The following WDR64 variants were observed in gnomAD, a reference collection of about 807,000 sequenced individuals.
WDR64 encodes WD repeat domain 64, also known as WD repeat-containing protein 64.
A neutral mutation model predicts 139.3 loss-of-function variants in WDR64; 112 were observed. The observed-to-expected ratio is 0.80, with a 90% confidence interval of 0.69 to 0.94. The LOEUF is 0.94. Ranked by LOEUF, WDR64 falls within the 40% of genes least tolerant of loss-of-function variation. WDR64 has a pLI of 0.00. For synonymous variants in WDR64, 444 were observed against 437.7 expected, an observed-to-expected ratio of 1.01 and a Z score of -0.18; for missense variants, 1,206 against 1,293.1, an observed-to-expected ratio of 0.93 and a Z score of 1.03.
chr1:241,753,350 CTCATA>C (rs1401173544), intron 14 of WDR64, among the ~76,000 whole-genome samples: 1 of 152,138 alleles, frequency 6.6e-6, no homozygotes, highest in Non-Finnish European at 1.5e-5. Context: ...GACTTTTATT[CTCATA>C]TAACAATTCA....
intron 14 of WDR64, among the ~76,000 whole-genome samples, chr1:241,752,687 C>CA (rs1293719344): frequency 2.0e-5 from 3 of 152,000 alleles, no homozygotes; most frequent in Non-Finnish European, 4.4e-5. Context: ...CCATCTCTAC[C>CA]AAAAAATGTA....
chr1:241,716,937 C>T (rs548018589), intron 9 of WDR64, among the ~76,000 whole-genome samples: 1 of 152,250 alleles, frequency 6.6e-6, no homozygotes, highest in South Asian at 2.1e-4. Flanking sequence ...CTATTGCATT[C>T]TTCTTCGTGT....
chr1:241,716,994 G>A (rs935448096), intron 9 of WDR64, among the ~76,000 whole-genome samples: 5 of 152,310 alleles, frequency 3.3e-5, no homozygotes, highest in Admixed American at 2.0e-4. Context: ...CCTATTGCCA[G>A]CCTCATCATC....
At position 241,801,349 on chromosome 1, in the gene WDR64, G is replaced by A. The variant is rs1433037809; in HGVS notation, c.*134G>A. 2.1e-5 allele frequency: 15 copies of A among 723,168 alleles called. No homozygotes were observed. The highest frequency in any genetic ancestry group is 2.5e-4 in the Middle Eastern group (1 of 4,070). The allele number at this position is 723,168 out of a possible 1,614,324, so 44.8% of individuals were successfully genotyped here. A position where few individuals can be genotyped will look rare whatever the true frequency, so the allele number is the denominator to read the frequency against. The stretch of plus-strand genomic sequence containing the variant: ...TCTGGTGTCAGGCCATCCTATTGAT[G>A]GGAAAGATTGCTTAGGGAGTTCTGG... On this transcript the variant is annotated 3_prime_UTR_variant, in exon 28 of 28. Coordinates refer to ENST00000437684, the MANE Select transcript of WDR64 (RefSeq NM_001367482.1).
chr1:241,727,732 A>G (rs910859628), intron 10 of WDR64, among the ~76,000 whole-genome samples: 1 of 152,098 alleles, frequency 6.6e-6, no homozygotes, highest in Non-Finnish European at 1.5e-5. Flanking sequence ...CAGTATGATA[A>G]GTATGGTAAG....
intron 4 of WDR64, 107 bp from the exon 5 acceptor site, chr1:241,678,080 G>T: frequency 2.5e-6 from 1 of 397,546 alleles, no homozygotes. Context: ...AAGGCAGAAT[G>T]ACAACTGAGA....
At chr1:241,725,417 C>T (rs995166645) in intron 10 of WDR64, among the ~76,000 whole-genome samples, 2 of 151,916 alleles carry the variant, frequency 1.3e-5, no homozygotes, top group East Asian at 3.9e-4. Flanking sequence ...CCCCCAGCCC[C>T]GCACCTCCCT....
intron 8 of WDR64, among the ~76,000 whole-genome samples, chr1:241,706,633 A>G (rs1246819939): frequency 6.6e-6 from 1 of 152,242 alleles, no homozygotes; most frequent in Non-Finnish European, 1.5e-5. Flanking sequence ...TACAAAGTAG[A>G]TTTAAATTAG....
At position 241,673,524 on chromosome 1, in the gene WDR64, G is replaced by C. The variant is rs867065284; in HGVS notation, c.380-1120G>C. On this transcript the variant is annotated intron_variant, in intron 3 of 27. Transcript: ENST00000437684. ...TGCTCCATGCCATTTTAATGCCTCAGGTATTAATTACTAAGTGTATCCAAT... is the reference window on the plus strand; with the variant it reads ...TGCTCCATGCCATTTTAATGCCTCACGTATTAATTACTAAGTGTATCCAAT... Among the ~76,000 whole-genome samples, 4 of 152,128 alleles carry C rather than the reference G, an allele frequency of 2.6e-5. No homozygotes were observed. The Middle Eastern group carries it at 0.01, about 388-fold the overall frequency.
chr1:241,742,295 C>T (rs1052166884), intron 12 of WDR64, among the ~76,000 whole-genome samples: 29 of 152,178 alleles, frequency 1.9e-4, no homozygotes, highest in African/African-American at 6.8e-4. Flanking sequence ...ACAGCAACTC[C>T]ATCTTGAATG....
At chr1:241,781,095 TATTGTATTATTAATTTTAACAGATAA>T (rs1182467531) in intron 22 of WDR64, among the ~76,000 whole-genome samples, 10 of 152,232 alleles carry the variant, frequency 6.6e-5, no homozygotes, top group Admixed American at 1.3e-4. Flanking sequence ...ATGATTATTA[TATTGTATTATTAATTTTAACAGATAA>T]AATGTCATTC....
At chr1:241,684,178 A>G (rs1446312301) in intron 7 of WDR64, among the ~76,000 whole-genome samples, 2 of 152,260 alleles carry the variant, frequency 1.3e-5, no homozygotes, top group Admixed American at 6.5e-5. Context: ...CTAGTATTTT[A>G]AAAGCAAACT....
intron 2 of WDR64, among the ~76,000 whole-genome samples, chr1:241,669,016 C>T (rs945070324): frequency 2.0e-5 from 3 of 152,096 alleles, no homozygotes; most frequent in African/African-American, 4.8e-5. Context: ...GGCTTTCCAA[C>T]GATAACAATA....
At chr1:241,735,905 C>T (rs1487481467) in intron 10 of WDR64, among the ~76,000 whole-genome samples, 1 of 145,940 alleles carries the variant, frequency 6.9e-6, no homozygotes, top group Non-Finnish European at 1.5e-5. Flanking sequence ...ATGCTCACTC[C>T]TTCCAATCTA....
At chr1:241,680,794 T>C (rs942395399) in intron 6 of WDR64, among the ~76,000 whole-genome samples, 2 of 40,984 alleles carry the variant, frequency 4.9e-5, no homozygotes, top group African/African-American at 1.3e-4. Context: ...TGCAGTAGCT[T>C]CCATCAATCT....
chr1:241,790,627 A>T lies in WDR64; in HGVS notation c.2928A>T (p.Lys976Asn), dbSNP rs780706309. The T allele has an allele frequency of 6.2e-7, 1 of 1,613,488 alleles. No homozygotes were observed. The highest frequency in any genetic ancestry group is 2.2e-5 in the East Asian group (1 of 44,842). Residue 976 changes from lysine (K) to asparagine (N), a missense_variant, in exon 25 of 28, where the codon AAA (lysine) becomes AAT (asparagine). Coordinates refer to ENST00000437684, the MANE Select transcript of WDR64 (RefSeq NM_001367482.1). ...RKMSSVSLLF[K>N]RTPPKAFEVE... The stretch of plus-strand genomic sequence containing the variant: ...TGAGCTCAGTGTCTCTACTTTTCAA[A>T]CGCACACCTCCCAAGGCCTTTGAAG...
intron 23 of WDR64, 61 bp from the exon 24 acceptor site, chr1:241,787,788 C>T: frequency 2.8e-6 from 4 of 1,421,376 alleles, no homozygotes; most frequent in Non-Finnish European, 3.8e-6. Context: ...ATCTAATGAA[C>T]AGAATAACTT....
chr1:241,778,932 T>G (rs1412699541), intron 21 of WDR64, among the ~76,000 whole-genome samples: 1 of 152,144 alleles, frequency 6.6e-6, no homozygotes, highest in Non-Finnish European at 1.5e-5. Flanking sequence ...AAATAAAGTT[T>G]TTATTTTATC....
intron 5 of WDR64, 121 bp from the exon 6 acceptor site, chr1:241,679,364 G>C (rs545307553): frequency 3.2e-5 from 24 of 753,242 alleles, no homozygotes; most frequent in Middle Eastern, 2.4e-4. Context: ...GTACTGCAAG[G>C]CTTCTCTGTA....
Sources: allele counts gnomAD v4.1 joint callset (sites outside exome capture counted in the v4.1 genomes callset), GRCh38; gene constraint gnomAD v4.1.1; transcripts MANE v1.5; gene names NCBI Gene and HGNC (gene_info 2026-07-23, HGNC 2026-07-21).